GATA4: variants seen among roughly 807,000 people sequenced by gnomAD.
GATA4 encodes GATA binding protein 4.
GATA4 carries 7 observed loss-of-function variants against 37.9 expected under a neutral mutation model. The observed-to-expected ratio is 0.18, with a 90% confidence interval of 0.11 to 0.35. GATA4 has a LOEUF of 0.35. Ranked by LOEUF, GATA4 falls within the 10% of genes least tolerant of loss-of-function variation. The pLI, the probability that GATA4 is intolerant of heterozygous loss-of-function variation, is 1.00. For synonymous variants in GATA4, 372 were observed against 292.6 expected, an observed-to-expected ratio of 1.27 and a Z score of -2.77; for missense variants, 647 against 653.0, an observed-to-expected ratio of 0.99 and a Z score of 0.10.
upstream of GATA4, among the ~76,000 whole-genome samples, chr8:11,699,228 G>A (rs1377053038): frequency 3.3e-5 from 5 of 152,130 alleles, no homozygotes; most frequent in Admixed American, 3.3e-4. Context: ...ACTTCAGGGG[G>A]CATGGACAAG....
chr8:11,684,081 G>A (rs1340058881), intron 1 of GATA4, among the ~76,000 whole-genome samples: 4 of 152,194 alleles, frequency 2.6e-5, no homozygotes, highest in Non-Finnish European at 5.9e-5. Context: ...GGCTGGCCAC[G>A]ACCTGGGCTG....
intron 1 of GATA4, among the ~76,000 whole-genome samples, chr8:11,687,447 G>A (rs1347397509): frequency 1.3e-5 from 2 of 152,136 alleles, no homozygotes; most frequent in Non-Finnish European, 2.9e-5. Flanking sequence ...TCTTGGCCCT[G>A]CTTCAAACTG....
chr8:11,735,206 C>T (rs1474178326), intron 2 of GATA4, among the ~76,000 whole-genome samples: 2 of 152,148 alleles, frequency 1.3e-5, no homozygotes, highest in Non-Finnish European at 2.9e-5. Flanking sequence ...ATTTTTTTCT[C>T]AGTGACTGAA....
chr8:11,694,868 T>TCA (rs1239745506), intron 1 of GATA4, among the ~76,000 whole-genome samples: 6 of 152,188 alleles, frequency 3.9e-5, no homozygotes, highest in African/African-American at 1.2e-4. Context: ...TCTCTCTCAC[T>TCA]CACACACACA....
Position 11,707,077 on chromosome 8 carries a change from T to C in GATA4, c.-457-779T>C, listed in dbSNP as rs1485022084. ...TTTATTATTCTATATGAAGAACCCA[T>C]TCAGTGAATTAGAATGGTCCAGTGG... On this transcript the variant is annotated intron_variant, in intron 1 of 6. Coordinates refer to ENST00000532059, the MANE Select transcript of GATA4 (RefSeq NM_001308093.3). This position sits in a 1 kb window ranked among gnomAD's most constrained non-coding sequence, Gnocchi z 4.7. Among the ~76,000 whole-genome samples, 1 of 152,236 alleles carries C rather than the reference T, an allele frequency of 6.6e-6. No homozygotes were observed. Among genetic ancestry groups the C allele is most frequent in the African/African-American group, 2.4e-5 (1 of 41,468 alleles).
chr8:11,758,314 T>A lies in GATA4; in HGVS notation c.1171T>A (p.Ser391Thr), dbSNP rs1012387271. ...TCAGACGTTCTCAGTCAGTGCGATG[T>A]CTGGCCATGGGCCCTCCATCCACCC... Reference protein sequence around the residue: ...VSQTFSVSAMSGHGPSIHPVL... With the variant: ...VSQTFSVSAMTGHGPSIHPVL... The change falls in exon 7 of 7, where the codon TCT becomes ACT. Residue 391 changes from serine (S) to threonine (T), a missense_variant. By Grantham distance (58) the Ser-to-Thr change is moderately conservative. Transcript: ENST00000532059. 2.5e-6 allele frequency: 4 copies of A among 1,614,064 alleles called. No individual in the cohort carries two copies. The highest frequency in any genetic ancestry group is 3.4e-6 in the Non-Finnish European group (4 of 1,180,040).
At chr8:11,712,174 G>T (rs1451484828) in intron 2 of GATA4, among the ~76,000 whole-genome samples, 1 of 152,200 alleles carries the variant, frequency 6.6e-6, no homozygotes, top group African/African-American at 2.4e-5. Flanking sequence ...TTATTTTATT[G>T]AATAGCCACT....
chr8:11,728,528 C>T (rs934454724), intron 2 of GATA4, among the ~76,000 whole-genome samples: 1 of 151,592 alleles, frequency 6.6e-6, no homozygotes, highest in Admixed American at 6.6e-5. Flanking sequence ...ACCACCATAC[C>T]CAGCTTTTTT....
At position 11,708,284 on chromosome 8, in the gene GATA4, G is replaced by C. The variant is rs905860055; in HGVS notation, c.-29G>C. 6.4e-7 allele frequency: 1 copy of C among 1,559,800 alleles called. No individual in the cohort carries two copies. Among genetic ancestry groups the C allele is most frequent in the Non-Finnish European group, 8.6e-7 (1 of 1,159,550 alleles). ...TCCTTGACCTGCGAGGGAGAGAGAG[G>C]ACACCGAAGCCGGGAGCTCGCAGGG... is the stretch of plus-strand genomic sequence containing the variant. On this transcript the variant is annotated 5_prime_UTR_variant, in exon 2 of 7. Transcript: ENST00000532059. The surrounding 1 kb of genome is among the most constrained non-coding windows in gnomAD (Gnocchi z 6.7).
chr8:11,681,630 G>A (rs1798977310), intron 1 of GATA4, among the ~76,000 whole-genome samples: 1 of 152,114 alleles, frequency 6.6e-6, no homozygotes, highest in Non-Finnish European at 1.5e-5. Flanking sequence ...CTATTGTCTT[G>A]TGAACGTTTC....
upstream of GATA4, among the ~76,000 whole-genome samples, chr8:11,700,347 C>G (rs1237257642): frequency 6.6e-6 from 1 of 152,252 alleles, no homozygotes; most frequent in African/African-American, 2.4e-5. Flanking sequence ...CTCCTCTCGT[C>G]TGTAACCGGC....
intron 2 of GATA4, among the ~76,000 whole-genome samples, chr8:11,729,221 G>A (rs1366841734): frequency 6.6e-6 from 1 of 151,162 alleles, no homozygotes; most frequent in African/African-American, 2.4e-5. Context: ...AGAAAAAAAA[G>A]ATCTAGCTGA....
At chr8:11,723,689 G>A (rs552798378) in intron 2 of GATA4, among the ~76,000 whole-genome samples, 17 of 152,240 alleles carry the variant, frequency 1.1e-4, no homozygotes, top group East Asian at 3.9e-4. Flanking sequence ...CAGGAAATAC[G>A]TACCCCTCCT....
intron 4 of GATA4, among the ~76,000 whole-genome samples, chr8:11,752,389 G>A (rs946094573): frequency 1.1e-4 from 16 of 152,174 alleles, no homozygotes; most frequent in Admixed American, 7.2e-4. Context: ...CAATCATGGC[G>A]GAAGGTGAAA....
intron 4 of GATA4, among the ~76,000 whole-genome samples, chr8:11,751,254 T>C (rs753398053): frequency 6.6e-6 from 1 of 152,228 alleles, no homozygotes; most frequent in Non-Finnish European, 1.5e-5. Context: ...TATTGGAACA[T>C]TCTCCATTAT....
chr8:11,708,521 G>C lies in GATA4; in HGVS notation c.209G>C (p.Ser70Thr). 1 of 1,460,306 alleles carries C rather than the reference G, an allele frequency of 6.8e-7. No individual in the cohort carries two copies. The highest frequency in any genetic ancestry group is 9.0e-7 in the Non-Finnish European group (1 of 1,113,584). The allele number at this position is 1,460,306 out of a possible 1,614,324, so 90.5% of individuals were successfully genotyped here. Residue 70 changes from serine to threonine, a missense_variant, in exon 2 of 7, where the codon AGC (serine) becomes ACC (threonine). Ser to Thr is a moderately conservative substitution (Grantham distance 58). Around this residue, in one of 5 missense-constraint regions of GATA4, gnomAD observed 379 missense variants for 334.5 expected, o/e 1.13. Transcript: ENST00000532059. The surrounding 1 kb of genome is among the most constrained non-coding windows in gnomAD (Gnocchi z 6.7). ...GSASGGASGG[S>T]SGGAASGAGP... The stretch of plus-strand genomic sequence containing the variant: ...GCGTCCGGAGGCGCCTCGGGCGGCA[G>C]CTCCGGTGGGGCCGCGTCTGGTGCG...
At chr8:11,688,500 A>G (rs577678111), upstream of GATA4, among the ~76,000 whole-genome samples, 1 of 151,002 alleles carries the variant, frequency 6.6e-6, no homozygotes. Flanking sequence ...TAAAGCACAC[A>G]TGCATGCATG....
intron 2 of GATA4, among the ~76,000 whole-genome samples, chr8:11,735,859 C>G (rs1413109534): frequency 1.3e-5 from 2 of 152,226 alleles, no homozygotes; most frequent in East Asian, 3.8e-4. Context: ...CCGCGCCTAG[C>G]TGAGACCTTT....
At chr8:11,688,185 C>G (rs909442956), upstream of GATA4, among the ~76,000 whole-genome samples, 6 of 152,182 alleles carry the variant, frequency 3.9e-5, no homozygotes, top group South Asian at 2.1e-4. Flanking sequence ...GCCCCCCACA[C>G]ACGTGAGATC....
Sources: gnomAD v4.1 joint callset for allele counts (sites outside exome capture counted in the v4.1 genomes callset) on GRCh38, gnomAD v4.1.1 for gene constraint, gnomAD v4.1.1 regional missense constraint, Gnocchi (gnomAD v3.1) non-coding constraint, MANE v1.5 for transcripts, NCBI Gene and HGNC (gene_info 2026-07-23, HGNC 2026-07-21) for gene names.